ZSWIM6: variants seen among roughly 807,000 people sequenced by gnomAD.
ZSWIM6 encodes zinc finger SWIM-type containing 6.
In ZSWIM6, 9 loss-of-function variants were observed where a neutral mutation model predicts 113.2. The observed-to-expected ratio is 0.08, with a 90% confidence interval of 0.05 to 0.14. The LOEUF (loss-of-function observed/expected upper bound fraction) is 0.14. Among genes scored for constraint, ZSWIM6 ranks in the 10% least tolerant of loss-of-function variants. ZSWIM6 has a pLI of 1.00. For missense variants in ZSWIM6, 1,162 were observed against 1,552.2 expected (o/e 0.75, Z 4.22); for synonymous variants, 611 against 606.5 (o/e 1.01, Z -0.11).
Position 61,332,922 on chromosome 5 carries a change from G to A in ZSWIM6, c.650G>A (p.Gly217Asp), listed in dbSNP as rs1261825773. 3.7e-6 allele frequency: 5 copies of A among 1,361,072 alleles called. No homozygotes were observed. Among genetic ancestry groups the A allele is most frequent in the Admixed American group, 2.6e-5 (1 of 38,168 alleles). 84.3% of individuals were successfully genotyped at this position (1,361,072 alleles called of 1,614,324 possible). The stretch of plus-strand genomic sequence containing the variant: ...CGGGGCATCGCGCTGTTGGAAAGCG[G>A]CTGCGTAGACAACGTCCTGCAAGTC... The part of the protein sequence containing the change: ...FRRGIALLES[G>D]CVDNVLQVGF... Residue 217 changes from glycine (G) to aspartate (D), a missense_variant, in exon 1 of 14, where the codon GGC (glycine) becomes GAC (aspartate). Physicochemically the swap from Gly to Asp is moderately conservative, Grantham distance 94. This residue lies in a region of ZSWIM6 where 333 missense variants were observed against 293.4 expected (regional missense o/e 1.13). Coordinates refer to ENST00000252744, the MANE Select transcript of ZSWIM6 (RefSeq NM_020928.2).
chr5:61,351,285 C>T (rs1260906319), intron 1 of ZSWIM6, among the ~76,000 whole-genome samples: 1 of 152,194 alleles, frequency 6.6e-6, no homozygotes, highest in Non-Finnish European at 1.5e-5. Context: ...CAGCTAAAAT[C>T]AATTCTATGT....
intron 1 of ZSWIM6, among the ~76,000 whole-genome samples, chr5:61,450,055 G>A (rs954840543): frequency 2.6e-5 from 4 of 152,114 alleles, no homozygotes; most frequent in East Asian, 1.9e-4. Flanking sequence ...GGAAAATTAC[G>A]TGTTCCAAAT....
chr5:61,543,803 G>A lies in ZSWIM6; in HGVS notation c.3134G>A (p.Arg1045Lys). 3.9e-6 allele frequency: 6 copies of A among 1,551,892 alleles called. No individual in the cohort carries two copies. Among genetic ancestry groups the A allele is most frequent in the Non-Finnish European group, 5.2e-6 (6 of 1,147,042 alleles). The change falls in exon 14 of 14, where the codon AGG becomes AAG. Residue 1045 changes from arginine (R) to lysine (K), a missense_variant. Around this residue, in one of 4 missense-constraint regions of ZSWIM6, gnomAD observed 620 missense variants for 804.6 expected, o/e 0.77. Transcript: ENST00000252744. This position sits in a 1 kb window ranked among gnomAD's most constrained non-coding sequence, Gnocchi z 4.3. Reference protein sequence around the residue: ...RYMEHRGYPMRAYKLATLAMT... With the variant: ...RYMEHRGYPMKAYKLATLAMT... The stretch of plus-strand genomic sequence containing the variant: ...ATGGAGCACCGCGGGTACCCCATGA[G>A]GGCCTACAAGCTGGCCACCCTGGCC...
At position 61,535,498 on chromosome 5, in the gene ZSWIM6, G is replaced by A. The variant is rs1466122507; in HGVS notation, c.2260G>A (p.Gly754Ser). Residue 754 changes from glycine to serine, a missense_variant, in exon 10 of 14, where the codon GGT becomes AGT. Physicochemically the swap from Gly to Ser is moderately conservative, Grantham distance 56. Around this residue, in one of 4 missense-constraint regions of ZSWIM6, gnomAD observed 620 missense variants for 804.6 expected, o/e 0.77. Transcript: ENST00000252744. ...TCTTCCCACAGCCGGACCATATAGT[G>A]GTTTAGGTGAAATAATCCATCGGGA... ...VFLLEAGPYS[G>S]LGEIIHRESV... 1.3e-6 allele frequency: 2 copies of A among 1,551,326 alleles called. No homozygotes were observed. The highest frequency in any genetic ancestry group is 1.4e-5 in the African/African-American group (1 of 73,136).
At chr5:61,515,342 G>A (rs879382748) in intron 4 of ZSWIM6, among the ~76,000 whole-genome samples, 5 of 151,932 alleles carry the variant, frequency 3.3e-5, no homozygotes, top group Admixed American at 6.6e-5. Context: ...CATGTTGGCC[G>A]TTGGAGTTTC....
In ZSWIM6 at chr5:61,509,180, T is replaced by TA. The variant is rs1384672608; in HGVS notation, c.1334-12082dup. On this transcript the variant is annotated intron_variant, in intron 4 of 13. Transcript: ENST00000252744. ...TATAGGAAAGAGTATAACACAGTCT[T>TA]AGAGTATTATACATTTTCATTTTTC... 3.3e-5 allele frequency among the ~76,000 whole-genome samples: 5 copies of TA among 152,282 alleles called. No homozygotes were observed. The South Asian group carries it at 1.0e-3, about 32-fold the overall frequency.
chr5:61,366,169 T>C (rs1419387769), intron 1 of ZSWIM6, among the ~76,000 whole-genome samples: 2 of 152,212 alleles, frequency 1.3e-5, no homozygotes, highest in Non-Finnish European at 2.9e-5. Context: ...GTGCTGGGAT[T>C]ACAAGCGTGA....
chr5:61,487,907 G>C (rs1173250517), intron 2 of ZSWIM6, among the ~76,000 whole-genome samples: 1 of 151,900 alleles, frequency 6.6e-6, no homozygotes, highest in Non-Finnish European at 1.5e-5. Flanking sequence ...AGGACTTCCA[G>C]CATTATGTTG....
chr5:61,355,441 C>CAG (rs1183476299), intron 1 of ZSWIM6, among the ~76,000 whole-genome samples: 1 of 12,386 alleles, frequency 8.1e-5, no homozygotes, highest in African/African-American at 3.4e-4. Context: ...AACACACACA[C>CAG]ACACACACAC....
At chr5:61,460,097 A>G (rs1747292245) in intron 1 of ZSWIM6, among the ~76,000 whole-genome samples, 1 of 152,154 alleles carries the variant, frequency 6.6e-6, no homozygotes, top group Admixed American at 6.5e-5. Context: ...TACCTTTTCC[A>G]TTAAATACTT....
chr5:61,344,668 A>T (rs1744617650), intron 1 of ZSWIM6, among the ~76,000 whole-genome samples: 2 of 151,668 alleles, frequency 1.3e-5, no homozygotes, highest in Admixed American at 1.3e-4. Flanking sequence ...TCCTCCAATC[A>T]CCCTTTAGGG....
intron 1 of ZSWIM6, among the ~76,000 whole-genome samples, chr5:61,414,613 G>A (rs1437679720): frequency 6.6e-6 from 1 of 152,132 alleles, no homozygotes; most frequent in Non-Finnish European, 1.5e-5. Flanking sequence ...ATTACTTTAT[G>A]GGAGGAGATG....
intron 1 of ZSWIM6, among the ~76,000 whole-genome samples, chr5:61,427,780 T>G (rs1746491705): frequency 6.6e-6 from 1 of 152,154 alleles, no homozygotes; most frequent in Admixed American, 6.6e-5. Flanking sequence ...CATGCCAGGA[T>G]CCCTCAAATA....
At chr5:61,542,290 G>T (rs1232264625) in intron 13 of ZSWIM6, among the ~76,000 whole-genome samples, 2 of 152,066 alleles carry the variant, frequency 1.3e-5, no homozygotes, top group African/African-American at 4.8e-5. Context: ...TCATCTGAAG[G>T]CATACATCAT....
Position 61,494,422 on chromosome 5 carries a change from T to A in ZSWIM6, c.1333+12T>A. Reference sequence around the variant, plus strand: ...CTGGGATGAGCTGGGTAAGCATGTTTCCTCACAAATTACCATTGATTTGCA... The same window carrying A: ...CTGGGATGAGCTGGGTAAGCATGTTACCTCACAAATTACCATTGATTTGCA... On this transcript the variant is annotated intron_variant, in intron 4 of 13. Coordinates refer to ENST00000252744, the MANE Select transcript of ZSWIM6 (RefSeq NM_020928.2). 1 of 1,550,650 alleles carries A rather than the reference T, an allele frequency of 6.4e-7. No homozygotes were observed. The highest frequency in any genetic ancestry group is 8.7e-7 in the Non-Finnish European group (1 of 1,146,364).
At chr5:61,372,456 A>C (rs1745287009) in intron 1 of ZSWIM6, among the ~76,000 whole-genome samples, 1 of 152,162 alleles carries the variant, frequency 6.6e-6, no homozygotes, top group Non-Finnish European at 1.5e-5. Context: ...CTTATTTGAC[A>C]ACTCAGTAGC....
At chr5:61,415,358 C>T (rs1011317971) in intron 1 of ZSWIM6, among the ~76,000 whole-genome samples, 1 of 152,072 alleles carries the variant, frequency 6.6e-6, no homozygotes, top group Non-Finnish European at 1.5e-5. Flanking sequence ...TTTGGGAGGC[C>T]GAGGTGGGCG....
In ZSWIM6 at chr5:61,531,599, G is replaced by A; in HGVS notation, c.2119G>A (p.Asp707Asn). The change falls in exon 9 of 14, where the codon GAT (aspartate) becomes AAT (asparagine). Residue 707 changes from aspartate (D) to asparagine (N), a missense_variant. Physicochemically the swap from Asp to Asn is conservative, Grantham distance 23 (BLOSUM62 1). Around this residue, in one of 4 missense-constraint regions of ZSWIM6, gnomAD observed 620 missense variants for 804.6 expected, o/e 0.77. Coordinates refer to ENST00000252744, the MANE Select transcript of ZSWIM6 (RefSeq NM_020928.2). ...IGLGQQRIMP[D>N]GLYTQEKVCR... The stretch of plus-strand genomic sequence containing the variant: ...GCTAGGACAGCAGCGTATCATGCCT[G>A]ATGGGCTGTACACACAAGAGAAAGT... 3 of 1,551,696 alleles carry A rather than the reference G, an allele frequency of 1.9e-6. No homozygotes were observed. The East Asian group carries it at 7.3e-5, about 38-fold the overall frequency.
intron 1 of ZSWIM6, among the ~76,000 whole-genome samples, chr5:61,351,301 A>G (rs1214265369): frequency 6.6e-6 from 1 of 152,204 alleles, no homozygotes; most frequent in Admixed American, 6.5e-5. Context: ...TATGTTATTC[A>G]TGTGTAGAAT....
Sources: gnomAD v4.1 joint callset for allele counts (sites outside exome capture counted in the v4.1 genomes callset) on GRCh38, gnomAD v4.1.1 for gene constraint, gnomAD v4.1.1 regional missense constraint, Gnocchi (gnomAD v3.1) non-coding constraint, MANE v1.5 for transcripts, NCBI Gene and HGNC (gene_info 2026-07-23, HGNC 2026-07-21) for gene names.